The following POLR3D variants were observed in gnomAD, a reference collection of about 807,000 sequenced individuals.
POLR3D encodes RNA polymerase III subunit D, also known as DNA-directed RNA polymerase III subunit RPC4.
Under a neutral mutation model 44.5 loss-of-function variants are expected in POLR3D, and 42 were observed. That is an observed-to-expected ratio of 0.94 (90% CI 0.74 to 1.22). The LOEUF (loss-of-function observed/expected upper bound fraction) is 1.22. Among genes scored for constraint, POLR3D ranks in the 50% most tolerant of loss-of-function variants. POLR3D has a pLI of 0.00. For synonymous variants in POLR3D, 217 were observed against 198.1 expected, an observed-to-expected ratio of 1.10 and a Z score of -0.80; for missense variants, 507 against 505.2, an observed-to-expected ratio of 1.00 and a Z score of -0.03.
At position 22,254,358 on chromosome 8, in the gene POLR3D, C is replaced by CT. The variant is rs1284701007; in HGVS notation, c.*3841dup. 4.6e-5 allele frequency: 7 copies of CT among 152,148 alleles called. No individual in the cohort carries two copies. Among genetic ancestry groups the CT allele is most frequent in the African/African-American group, 1.7e-4 (7 of 41,510 alleles). The allele number at this position is 152,148 out of a possible 1,614,324, so 9.4% of individuals were successfully genotyped here. A position where few individuals can be genotyped will look rare whatever the true frequency, so the allele number is the denominator to read the frequency against. ...AAATTATGTGGTTTTATCGTGTACT[C>CT]TATCTCACTCAGAAATACATACAAT... is the stretch of plus-strand genomic sequence containing the variant. On this transcript the variant is annotated 3_prime_UTR_variant, in exon 9 of 9. Transcript: ENST00000306433.
intron 2 of POLR3D, 65 bp downstream of exon 2, chr8:22,245,679 A>G (rs148967884): frequency 2.7e-4 from 306 of 1,137,782 alleles, no homozygotes; most frequent in Non-Finnish European, 3.3e-4. Context: ...GGATTCAACT[A>G]ATGTTTGTGT....
At chr8:22,249,522 T>C (rs955010875) in intron 7 of POLR3D, among the ~76,000 whole-genome samples, 1 of 152,194 alleles carries the variant, frequency 6.6e-6, no homozygotes, top group Non-Finnish European at 1.5e-5. Flanking sequence ...TAAGGAAATA[T>C]TTCAAACACA....
intron 2 of POLR3D, among the ~76,000 whole-genome samples, chr8:22,246,093 T>A (rs899903287): frequency 3.3e-5 from 5 of 151,948 alleles, no homozygotes; most frequent in Non-Finnish European, 7.4e-5. Context: ...AGGGGTGGGG[T>A]CAGGATGACA....
chr8:22,250,173 C>T lies in POLR3D; in HGVS notation c.1020C>T (p.Leu340=). 6.2e-7 allele frequency: 1 copy of T among 1,614,152 alleles called. No homozygotes were observed. Among genetic ancestry groups the T allele is most frequent in the South Asian group, 1.1e-5 (1 of 91,088 alleles). ...LIRKSGRVQL[L]LGKVTLDVTM... ...GCAAGTCTGGAAGGGTGCAACTCCTCTTGGGCAAGGTGACTCTGGACGTGA... is the reference window on the plus strand; with the variant it reads ...GCAAGTCTGGAAGGGTGCAACTCCTTTTGGGCAAGGTGACTCTGGACGTGA... Residue 340 remains leucine (L), a synonymous_variant, in exon 8 of 9, where the codon CTC becomes CTT. Coordinates refer to ENST00000306433, the MANE Select transcript of POLR3D (RefSeq NM_001722.3).
chr8:22,245,149 C>G lies in POLR3D; in HGVS notation c.-40C>G, dbSNP rs145752434. ...CTGCCACGCAGACTTCCGCCCGGCG[C>G]GGAGACCGAAGGCTGGCGGCTGGTC... On this transcript the variant is annotated 5_prime_UTR_variant, in exon 1 of 9. Transcript: ENST00000306433. 56 of 588,554 alleles carry G rather than the reference C, an allele frequency of 9.5e-5. No individual in the cohort carries two copies. Among genetic ancestry groups the G allele is most frequent in the African/African-American group, 4.6e-4 (25 of 53,842 alleles). The allele number at this position is 588,554 out of a possible 1,614,324, so 36.5% of individuals were successfully genotyped here.
Position 22,251,061 on chromosome 8 carries a change from T to A in POLR3D, c.*543T>A, listed in dbSNP as rs1830101528. On this transcript the variant is annotated 3_prime_UTR_variant, in exon 9 of 9. Coordinates refer to ENST00000306433, the MANE Select transcript of POLR3D (RefSeq NM_001722.3). ...CCTCATCCGACACAAATGGGGATGATACCTACCTCCAGGGTTGGCGTGAGG... is the reference window on the plus strand; with the variant it reads ...CCTCATCCGACACAAATGGGGATGAAACCTACCTCCAGGGTTGGCGTGAGG... The A allele has an allele frequency of 6.4e-6, 1 of 156,654 alleles. No individual in the cohort carries two copies. The highest frequency in any genetic ancestry group is 2.0e-4 in the South Asian group (1 of 5,078). 9.7% of individuals were successfully genotyped at this position (156,654 alleles called of 1,614,324 possible). A position where few individuals can be genotyped will look rare whatever the true frequency, so the allele number is the denominator to read the frequency against.
In POLR3D at chr8:22,245,176, C is replaced by G. The variant is rs1396220185; in HGVS notation, c.-13C>G. On this transcript the variant is annotated 5_prime_UTR_variant, in exon 1 of 9. Coordinates refer to ENST00000306433, the MANE Select transcript of POLR3D (RefSeq NM_001722.3). ...GAGACCGAAGGCTGGCGGCTGGTCGCGTTGCAGGTGAGGTTGTGACGCGCG... is the reference window on the plus strand; with the variant it reads ...GAGACCGAAGGCTGGCGGCTGGTCGGGTTGCAGGTGAGGTTGTGACGCGCG... 1 of 586,316 alleles carries G rather than the reference C, an allele frequency of 1.7e-6. No individual in the cohort carries two copies. The highest frequency in any genetic ancestry group is 3.2e-6 in the Non-Finnish European group (1 of 313,866). 36.3% of individuals were successfully genotyped at this position (586,316 alleles called of 1,614,324 possible).
In POLR3D at chr8:22,251,704, C is replaced by G. The variant is rs1476691627; in HGVS notation, c.*1186C>G. On this transcript the variant is annotated 3_prime_UTR_variant, in exon 9 of 9. Transcript: ENST00000306433. ...TTTTTTGGGTCTGTGATCCTGTTCC[C>G]TTTACCAGGTCATTGTACTGTGTTG... is the stretch of plus-strand genomic sequence containing the variant. 1 of 152,554 alleles carries G rather than the reference C, an allele frequency of 6.6e-6. No homozygotes were observed. The allele number at this position is 152,554 out of a possible 1,614,324, so 9.5% of individuals were successfully genotyped here.
chr8:22,245,270 C>A, intron 1 of POLR3D, 87 bp downstream of exon 1: 1 of 544,594 alleles, frequency 1.8e-6, no homozygotes, highest in East Asian at 3.0e-5. Context: ...GGGCGTGTCG[C>A]GAGCCAAAGG....
chr8:22,247,762 T>G (rs1830057286), intron 3 of POLR3D, 95 bp from the exon 4 acceptor site: 2 of 1,167,306 alleles, frequency 1.7e-6, no homozygotes, highest in Non-Finnish European at 1.2e-6. Flanking sequence ...GCTCAAACTC[T>G]CCACTGTTTT....
intron 3 of POLR3D, 48 bp downstream of exon 3, chr8:22,247,312 G>A: frequency 6.8e-7 from 1 of 1,461,176 alleles, no homozygotes; most frequent in Non-Finnish European, 9.5e-7. Flanking sequence ...TACTTGCTCT[G>A]AATTTGGGGC....
At position 22,250,584 on chromosome 8, in the gene POLR3D, T is replaced by C; in HGVS notation, c.*66T>C. On this transcript the variant is annotated 3_prime_UTR_variant, in exon 9 of 9. Transcript: ENST00000306433. ...GCTGCCTGCTCCAGACATTTTGTTC[T>C]TGAATCTGTGAGACCCAGAAGGGGC... 1 of 1,603,932 alleles carries C rather than the reference T, an allele frequency of 6.2e-7. No homozygotes were observed. The highest frequency in any genetic ancestry group is 1.1e-5 in the South Asian group (1 of 90,164).
chr8:22,249,439 TG>T, intron 7 of POLR3D, 130 bp downstream of exon 7: 1 of 934,758 alleles, frequency 1.1e-6, no homozygotes, highest in Non-Finnish European at 1.6e-6. Flanking sequence ...TCTTGACGCC[TG>T]CAAGAGCCAT....
Position 22,250,868 on chromosome 8 carries a change from A to G in POLR3D, c.*350A>G, listed in dbSNP as rs2131950798. On this transcript the variant is annotated 3_prime_UTR_variant, in exon 9 of 9. Coordinates refer to ENST00000306433, the MANE Select transcript of POLR3D (RefSeq NM_001722.3). ...TTGGTGCCTGCTGGGTTGCAGGGGCAGGAAGCGTGTGGACTGCAGCTTCTG... is the reference window on the plus strand; with the variant it reads ...TTGGTGCCTGCTGGGTTGCAGGGGCGGGAAGCGTGTGGACTGCAGCTTCTG... 3.3e-6 allele frequency: 1 copy of G among 304,194 alleles called. No homozygotes were observed. Among genetic ancestry groups the G allele is most frequent in the Non-Finnish European group, 6.5e-6 (1 of 154,724 alleles). The allele number at this position is 304,194 out of a possible 1,614,324, so 18.8% of individuals were successfully genotyped here.
At position 22,251,640 on chromosome 8, in the gene POLR3D, C is replaced by G. The variant is rs1830106465; in HGVS notation, c.*1122C>G. ...TTGGGTTTCAGAGGCCTGCCCGTCT[C>G]CTGTCCTAGCACTGCCAGAGCCACC... On this transcript the variant is annotated 3_prime_UTR_variant, in exon 9 of 9. Coordinates refer to ENST00000306433, the MANE Select transcript of POLR3D (RefSeq NM_001722.3). The G allele has an allele frequency of 6.5e-6, 1 of 153,366 alleles. No individual in the cohort carries two copies. The allele number at this position is 153,366 out of a possible 1,614,324, so 9.5% of individuals were successfully genotyped here. A position where few individuals can be genotyped will look rare whatever the true frequency, so the allele number is the denominator to read the frequency against.
chr8:22,250,323 C>G, intron 8 of POLR3D, 73 bp from the exon 9 acceptor site: 1 of 1,609,496 alleles, frequency 6.2e-7, no homozygotes. Flanking sequence ...CTGGGAGTAT[C>G]ATGTCCCCAT....
At position 22,250,846 on chromosome 8, in the gene POLR3D, G is replaced by GT. The variant is rs1830099351; in HGVS notation, c.*329dup. ...TGTGTGAAGGGGCCGGCTTCTCTTG[G>GT]TGCCTGCTGGGTTGCAGGGGCAGGA... On this transcript the variant is annotated 3_prime_UTR_variant, in exon 9 of 9. Coordinates refer to ENST00000306433, the MANE Select transcript of POLR3D (RefSeq NM_001722.3). 3.1e-6 allele frequency: 1 copy of GT among 323,102 alleles called. No homozygotes were observed. Among genetic ancestry groups the GT allele is most frequent in the Non-Finnish European group, 6.0e-6 (1 of 165,708 alleles). The allele number at this position is 323,102 out of a possible 1,614,324, so 20.0% of individuals were successfully genotyped here.
rs1830113662 is a variant in POLR3D, at chr8:22,252,528, C to T, written c.*2010C>T. 1 of 152,216 alleles carries T rather than the reference C, an allele frequency of 6.6e-6. No individual in the cohort carries two copies. Among genetic ancestry groups the T allele is most frequent in the African/African-American group, 2.4e-5 (1 of 41,450 alleles). 9.4% of individuals were successfully genotyped at this position (152,216 alleles called of 1,614,324 possible). ...CCCATTCAGATGTCTTGGCTTGAAC[C>T]TTATGACTCCGTATCAAAGTCCTCA... On this transcript the variant is annotated 3_prime_UTR_variant, in exon 9 of 9. Coordinates refer to ENST00000306433, the MANE Select transcript of POLR3D (RefSeq NM_001722.3).
chr8:22,247,378 C>G (rs1490499002), intron 3 of POLR3D, 114 bp downstream of exon 3: 1 of 735,682 alleles, frequency 1.4e-6, no homozygotes, highest in Non-Finnish European at 2.3e-6. Flanking sequence ...ATCTTTAGTT[C>G]TTTTCACTAG....
Sources: allele counts gnomAD v4.1 joint callset (sites outside exome capture counted in the v4.1 genomes callset), GRCh38; gene constraint gnomAD v4.1.1; transcripts MANE v1.5; gene names NCBI Gene and HGNC (gene_info 2026-07-23, HGNC 2026-07-21).